PDZD2: variants seen among roughly 807,000 people sequenced by gnomAD.
The protein encoded by PDZD2 is PDZ domain containing 2.
In PDZD2, 90 loss-of-function variants were observed where a neutral mutation model predicts 220.7. The ratio of observed to expected loss-of-function variants is 0.41; its 90% CI spans 0.34 to 0.49. The LOEUF (loss-of-function observed/expected upper bound fraction) is 0.49. Among genes scored for constraint, PDZD2 ranks in the 20% least tolerant of loss-of-function variants. The pLI, the probability that PDZD2 is intolerant of heterozygous loss-of-function variation, is 0.28. For synonymous variants in PDZD2, 1,375 were observed against 1,450.5 expected (o/e 0.95, Z 1.18); for missense variants, 3,174 against 3,608.5 (o/e 0.88, Z 3.08).
At position 31,983,088 on chromosome 5, in the gene PDZD2, G is replaced by A. The variant is rs528006444; in HGVS notation, c.477-67G>A. ...GTCACTTGGGTGGACCCTTGAACGCGTCTGTCTGCTGTGCTGTCTAGGAAG... is the reference window on the plus strand; with the variant it reads ...GTCACTTGGGTGGACCCTTGAACGCATCTGTCTGCTGTGCTGTCTAGGAAG... On this transcript the variant is annotated intron_variant, in intron 2 of 24. Coordinates refer to ENST00000438447, the MANE Select transcript of PDZD2 (RefSeq NM_178140.4). 278 of 1,521,136 alleles carry A rather than the reference G, an allele frequency of 1.8e-4. No homozygotes were observed. The African/African-American group carries it at 1.9e-3, about 10-fold the overall frequency. 94.2% of individuals were successfully genotyped at this position (1,521,136 alleles called of 1,614,324 possible).
chr5:31,997,518 T>C (rs1288632990), intron 4 of PDZD2, among the ~76,000 whole-genome samples: 1 of 152,162 alleles, frequency 6.6e-6, no homozygotes, highest in South Asian at 2.1e-4. Flanking sequence ...TTACTTAACT[T>C]CCAAAATGAC....
chr5:31,974,356 AAAAAG>A (rs1050294329), intron 2 of PDZD2, among the ~76,000 whole-genome samples: 15 of 134,542 alleles, frequency 1.1e-4, no homozygotes, highest in African/African-American at 3.4e-4. Flanking sequence ...ACAAAAAAGA[AAAAAG>A]AAAAAAAAAA....
At chr5:32,023,059 T>G (rs1490679508) in intron 6 of PDZD2, among the ~76,000 whole-genome samples, 1 of 152,104 alleles carries the variant, frequency 6.6e-6, no homozygotes, top group Non-Finnish European at 1.5e-5. Flanking sequence ...TGACAGGCAA[T>G]GGGAGGTCAC....
intron 2 of PDZD2, among the ~76,000 whole-genome samples, chr5:31,965,482 A>G (rs1748655212): frequency 6.6e-6 from 1 of 152,224 alleles, no homozygotes; most frequent in South Asian, 2.1e-4. Flanking sequence ...AGAAGACAAC[A>G]GTGAGAATCG....
At chr5:31,758,907 G>A (rs953853196) in intron 1 of PDZD2, among the ~76,000 whole-genome samples, 4 of 152,016 alleles carry the variant, frequency 2.6e-5, no homozygotes, top group Non-Finnish European at 4.4e-5. Context: ...CTGCTGTTCC[G>A]CACCCGCCTC....
intron 2 of PDZD2, among the ~76,000 whole-genome samples, chr5:31,872,348 C>T (rs1232608314): frequency 2.0e-5 from 3 of 152,236 alleles, no homozygotes; most frequent in South Asian, 4.1e-4. Context: ...GGACACAGGT[C>T]ACTTCTCTAG....
At chr5:31,810,418 A>T (rs986541656) in intron 2 of PDZD2, among the ~76,000 whole-genome samples, 1 of 151,774 alleles carries the variant, frequency 6.6e-6, no homozygotes, top group African/African-American at 2.4e-5. Flanking sequence ...GCCCACCACC[A>T]CGCCTCACTA....
At position 31,912,021 on chromosome 5, in the gene PDZD2, C is replaced by T. The variant is rs530631245; in HGVS notation, c.477-71134C>T. Among the ~76,000 whole-genome samples the T allele has an allele frequency of 5.3e-5, 8 of 152,318 alleles. No homozygotes were observed. The South Asian group carries it at 1.0e-3, about 20-fold the overall frequency. ...GAGTGAATCAGTCTACAGTGTCTGC[C>T]GTACTTAATCCACCCTGGCCCCGGC... On this transcript the variant is annotated intron_variant, in intron 2 of 24. Coordinates refer to ENST00000438447, the MANE Select transcript of PDZD2 (RefSeq NM_178140.4).
chr5:31,796,402 C>A (rs1754028046), intron 1 of PDZD2, among the ~76,000 whole-genome samples: 1 of 152,158 alleles, frequency 6.6e-6, no homozygotes, highest in Admixed American at 6.5e-5. Context: ...TGCCCGCCAC[C>A]GATCAACTTC....
intron 2 of PDZD2, chr5:31,855,148 A>G: frequency 4.1e-6 from 4 of 981,180 alleles, no homozygotes; most frequent in Non-Finnish European, 4.8e-6. Flanking sequence ...GAACCCTCCG[A>G]AGGTGACTTC....
rs1750900343 is a variant in PDZD2 at position 31,750,648 on chromosome 5, C to T, written c.-360-48241C>T. Among the ~76,000 whole-genome samples, 3 of 152,056 alleles carry T rather than the reference C, an allele frequency of 2.0e-5. No homozygotes were observed. In the South Asian group the frequency reaches 6.2e-4, roughly 32 times the overall value. Reference sequence around the variant, plus strand: ...GTGGGTGCTGTGACGGGCAGATCCACGGATAGTTTCAGGCAGAGGGAACAG... The same window carrying T: ...GTGGGTGCTGTGACGGGCAGATCCATGGATAGTTTCAGGCAGAGGGAACAG... On this transcript the variant is annotated intron_variant, in intron 1 of 24. Coordinates refer to ENST00000438447, the MANE Select transcript of PDZD2 (RefSeq NM_178140.4).
intron 6 of PDZD2, among the ~76,000 whole-genome samples, chr5:32,028,775 C>A (rs544468207): frequency 6.6e-6 from 1 of 151,390 alleles, no homozygotes; most frequent in East Asian, 1.9e-4. Context: ...CTCTGCCTCC[C>A]GGATTCAAGG....
intron 15 of PDZD2, 125 bp from the exon 16 acceptor site, chr5:32,071,259 C>T: frequency 1.3e-6 from 1 of 759,530 alleles, no homozygotes. Flanking sequence ...TGCATGCAGC[C>T]CGTCATCAAG....
chr5:31,799,746 T>G (rs775401058), intron 2 of PDZD2, 22 bp downstream of exon 2: 2 of 1,521,614 alleles, frequency 1.3e-6, no homozygotes, highest in South Asian at 2.2e-5. Flanking sequence ...GAATGCCTGC[T>G]GGCACAGGGG....
chr5:31,944,819 C>T (rs1746492661), intron 2 of PDZD2, among the ~76,000 whole-genome samples: 1 of 152,228 alleles, frequency 6.6e-6, no homozygotes, highest in Admixed American at 6.5e-5. Flanking sequence ...GGGGCCGCTT[C>T]CTGGCCTCAT....
At chr5:31,763,949 G>C (rs1033878556) in intron 1 of PDZD2, among the ~76,000 whole-genome samples, 2 of 151,636 alleles carry the variant, frequency 1.3e-5, no homozygotes, top group African/African-American at 2.4e-5. Context: ...TTGACTGAAG[G>C]CACCAAAATA....
chr5:32,034,175 T>G (rs1755341634), intron 6 of PDZD2, among the ~76,000 whole-genome samples: 1 of 151,876 alleles, frequency 6.6e-6, no homozygotes, highest in African/African-American at 2.4e-5. Context: ...GCTGGCATGG[T>G]TTTCCTTGCT....
At chr5:31,912,873 G>T (rs1044770576) in intron 2 of PDZD2, among the ~76,000 whole-genome samples, 3 of 152,288 alleles carry the variant, frequency 2.0e-5, no homozygotes, top group Non-Finnish European at 2.9e-5. Flanking sequence ...TGAAGTTCGG[G>T]CTTTCATCTG....
At chr5:32,060,569 C>T (rs1739575486) in intron 13 of PDZD2, among the ~76,000 whole-genome samples, 5 of 152,156 alleles carry the variant, frequency 3.3e-5, no homozygotes, top group Admixed American at 3.3e-4. Flanking sequence ...GGTTGACAGT[C>T]AGACGGACCC....
Sources: gnomAD v4.1 joint callset for allele counts (sites outside exome capture counted in the v4.1 genomes callset) on GRCh38, gnomAD v4.1.1 for gene constraint, MANE v1.5 for transcripts, NCBI Gene and HGNC (gene_info 2026-07-23, HGNC 2026-07-21) for gene names.